The following CEP126 variants were observed in gnomAD, a reference collection of about 807,000 sequenced individuals.
The protein encoded by CEP126 is centrosomal protein of 126 kDa.
CEP126 carries 74 observed loss-of-function variants against 107.8 expected under a neutral mutation model. The ratio of observed to expected loss-of-function variants is 0.69; its 90% CI spans 0.57 to 0.83. The LOEUF is 0.83. Ranked by LOEUF, CEP126 falls within the 40% of genes least tolerant of loss-of-function variation. The pLI is 0.00. For synonymous variants in CEP126, 449 were observed against 446.0 expected (o/e 1.01, Z -0.08); for missense variants, 1,237 against 1,281.9 (o/e 0.96, Z 0.53).
At position 101,944,447 on chromosome 11, in the gene CEP126, T is replaced by C. The variant is rs769680587; in HGVS notation, c.394+37T>C. ...TCTAGAACAGTATGAGAACATAAAG[T>C]TTTAATCTCATTTGACTTGAGTAGA... On this transcript the variant is annotated intron_variant, in intron 3 of 10. Coordinates refer to ENST00000263468, the MANE Select transcript of CEP126 (RefSeq NM_020802.4). 12 of 1,565,792 alleles carry C rather than the reference T, an allele frequency of 7.7e-6. No homozygotes were observed. In the East Asian group the frequency reaches 2.8e-4, roughly 36 times the overall value.
intron 1 of CEP126, among the ~76,000 whole-genome samples, chr11:101,920,886 G>A (rs1282177243): frequency 6.6e-6 from 1 of 152,140 alleles, no homozygotes; most frequent in East Asian, 1.9e-4. Context: ...GATTACAGGT[G>A]TGAGCCACTG....
intron 6 of CEP126, among the ~76,000 whole-genome samples, chr11:101,969,251 G>A (rs955509198): frequency 6.6e-6 from 1 of 152,098 alleles, no homozygotes; most frequent in African/African-American, 2.4e-5. Flanking sequence ...GGCCTCCCGA[G>A]CTCAAGCGAT....
intron 6 of CEP126, among the ~76,000 whole-genome samples, chr11:101,975,037 T>G (rs1240634700): frequency 6.6e-6 from 1 of 152,162 alleles, no homozygotes; most frequent in Non-Finnish European, 1.5e-5. Flanking sequence ...GTTTAAAGCT[T>G]TTTAGATAAA....
chr11:101,935,002 T>A (rs1940555279), intron 2 of CEP126, among the ~76,000 whole-genome samples: 1 of 152,076 alleles, frequency 6.6e-6, no homozygotes, highest in Non-Finnish European at 1.5e-5. Context: ...GCTGACCTTT[T>A]TTACACACCC....
intron 7 of CEP126, among the ~76,000 whole-genome samples, chr11:101,980,180 A>C (rs1194178564): frequency 6.6e-6 from 1 of 152,212 alleles, no homozygotes; most frequent in African/African-American, 2.4e-5. Flanking sequence ...TTAATAGCGT[A>C]ATGGTTAATT....
chr11:101,936,767 T>C (rs111969037), intron 2 of CEP126, among the ~76,000 whole-genome samples: 21 of 152,342 alleles, frequency 1.4e-4, no homozygotes, highest in African/African-American at 4.3e-4. Context: ...TTTTTATGAA[T>C]GTGCATTGAA....
intron 6 of CEP126, among the ~76,000 whole-genome samples, chr11:101,969,757 T>G (rs1000667681): frequency 1.3e-5 from 2 of 152,220 alleles, no homozygotes; most frequent in African/African-American, 4.8e-5. Context: ...TTACAGGATA[T>G]TTAGACCAAT....
chr11:101,982,491 G>T (rs1229524176), intron 8 of CEP126, among the ~76,000 whole-genome samples: 1 of 151,922 alleles, frequency 6.6e-6, no homozygotes, highest in African/African-American at 2.4e-5. Flanking sequence ...TTAATATTAT[G>T]CTTAATTGCT....
chr11:101,956,762 A>C (rs1489444639), intron 4 of CEP126: 2 of 452,672 alleles, frequency 4.4e-6, no homozygotes, highest in African/African-American at 4.0e-5. Context: ...TTCCTTTATG[A>C]TTTCCTCTTC....
At chr11:101,985,253 T>C (rs959932666) in intron 8 of CEP126, among the ~76,000 whole-genome samples, 4 of 152,050 alleles carry the variant, frequency 2.6e-5, no homozygotes. Flanking sequence ...TTCAGGTATG[T>C]GTATAAGGTA....
intron 6 of CEP126, among the ~76,000 whole-genome samples, chr11:101,969,753 G>C (rs1246295856): frequency 6.6e-6 from 1 of 152,120 alleles, no homozygotes; most frequent in Non-Finnish European, 1.5e-5. Flanking sequence ...ATTTTTACAG[G>C]ATATTTAGAC....
At chr11:101,949,085 A>G (rs1940776790) in intron 4 of CEP126, among the ~76,000 whole-genome samples, 2 of 152,184 alleles carry the variant, frequency 1.3e-5, no homozygotes, top group Admixed American at 1.3e-4. Flanking sequence ...ATTTGGAACA[A>G]GTGAGTGGAT....
At chr11:101,946,182 CT>C (rs1215625888) in intron 3 of CEP126, among the ~76,000 whole-genome samples, 2 of 151,934 alleles carry the variant, frequency 1.3e-5, no homozygotes, top group Non-Finnish European at 1.5e-5. Context: ...TTCTTCGCTA[CT>C]GTGCCCAGCC....
intron 4 of CEP126, 37 bp downstream of exon 4, chr11:101,948,179 A>G (rs1391091219): frequency 7.9e-7 from 1 of 1,259,880 alleles, no homozygotes; most frequent in Non-Finnish European, 1.1e-6. Flanking sequence ...AATTATTACA[A>G]TAATTGTATA....
chr11:101,940,406 C>G (rs1357173784), intron 2 of CEP126, among the ~76,000 whole-genome samples: 1 of 152,232 alleles, frequency 6.6e-6, no homozygotes, highest in African/African-American at 2.4e-5. Context: ...ATAAACATTT[C>G]TCCCCATCTC....
At chr11:101,935,854 C>G (rs530839087) in intron 2 of CEP126, among the ~76,000 whole-genome samples, 3 of 151,958 alleles carry the variant, frequency 2.0e-5, no homozygotes, top group Non-Finnish European at 2.9e-5. Context: ...CCACTAGATA[C>G]CAGTAGCACA....
rs192752179 is a variant in CEP126 at position 101,961,465 on chromosome 11, A to T, written c.706-276A>T. ...TCTAAATGGAATAGCAATAACAAAA[A>T]TTTTTTTTAAGTTCTAACTGTGGCT... On this transcript the variant is annotated intron_variant, in intron 5 of 10. Transcript: ENST00000263468. Among the ~76,000 whole-genome samples, 220 of 152,072 alleles carry T rather than the reference A, an allele frequency of 1.4e-3. 1 individual carries two copies. Among genetic ancestry groups the T allele is most frequent in the African/African-American group, 4.9e-3 (204 of 41,536 alleles).
Position 101,961,809 on chromosome 11 carries a change from T to G in CEP126, c.774T>G (p.Ala258=). ...ETLSSIDSLE[A]TEHEEIYLTL... is the part of the protein sequence containing the mutation. The stretch of plus-strand genomic sequence containing the variant: ...TCTCAAGTATAGACAGTCTTGAGGC[T>G]ACAGAGCATGAAGAAATATATTTAA... The change falls in exon 6 of 11, where the codon GCT becomes GCG. Residue 258 remains alanine, a synonymous_variant. Coordinates refer to ENST00000263468, the MANE Select transcript of CEP126 (RefSeq NM_020802.4). 1.2e-6 allele frequency: 2 copies of G among 1,609,158 alleles called. No homozygotes were observed. The highest frequency in any genetic ancestry group is 1.7e-6 in the Non-Finnish European group (2 of 1,177,884).
At chr11:101,936,555 C>G (rs940631476) in intron 2 of CEP126, among the ~76,000 whole-genome samples, 2 of 152,052 alleles carry the variant, frequency 1.3e-5, no homozygotes, top group Non-Finnish European at 2.9e-5. Flanking sequence ...ATGGCTTTTA[C>G]TTTTTTGTTG....
Sources: allele counts gnomAD v4.1 joint callset (sites outside exome capture counted in the v4.1 genomes callset), GRCh38; gene constraint gnomAD v4.1.1; transcripts MANE v1.5; gene names NCBI Gene and HGNC (gene_info 2026-07-23, HGNC 2026-07-21).